THEMIS: variants seen among roughly 807,000 people sequenced by gnomAD.
THEMIS encodes the protein thymocyte selection associated, also known as protein THEMIS.
In THEMIS, 37 loss-of-function variants were observed where a neutral mutation model predicts 52.6. The ratio of observed to expected loss-of-function variants is 0.70; its 90% CI spans 0.54 to 0.93. The LOEUF (loss-of-function observed/expected upper bound fraction) is 0.93. THEMIS is among the 40% of genes least tolerant of loss of function. The pLI is 0.00. For missense variants in THEMIS, 808 were observed against 763.1 expected (o/e 1.06, Z -0.69); for synonymous variants, 292 against 272.7 (o/e 1.07, Z -0.70).
At chr6:127,783,691 A>G (rs1583272871) in intron 4 of THEMIS, among the ~76,000 whole-genome samples, 1 of 152,234 alleles carries the variant, frequency 6.6e-6, no homozygotes, top group African/African-American at 2.4e-5. Flanking sequence ...ATGACATACC[A>G]TCTCACACCA....
chr6:127,790,308 C>T (rs1777114146), intron 4 of THEMIS, among the ~76,000 whole-genome samples: 1 of 146,830 alleles, frequency 6.8e-6, no homozygotes, highest in Non-Finnish European at 1.5e-5. Flanking sequence ...TGGTATAAAC[C>T]TGTGTCTCTC....
intron 4 of THEMIS, among the ~76,000 whole-genome samples, chr6:127,798,236 A>T (rs1777396084): frequency 6.6e-6 from 1 of 152,230 alleles, no homozygotes; most frequent in Non-Finnish European, 1.5e-5. Flanking sequence ...TCTTAAAACC[A>T]CAAGTGTATA....
At chr6:127,697,812 C>T in the THEMIS span, among the ~76,000 whole-genome samples, 1 of 152,120 alleles carries the variant, frequency 6.6e-6, no homozygotes, top group African/African-American at 2.4e-5. Flanking sequence ...TCTAGAGCCC[C>T]TTTCCTGTAT....
intron 4 of THEMIS, among the ~76,000 whole-genome samples, chr6:127,727,283 A>G (rs923718756): frequency 6.6e-6 from 1 of 152,192 alleles, no homozygotes; most frequent in Non-Finnish European, 1.5e-5. Context: ...CTGTAAGTGT[A>G]ATCTGTAGCC....
intron 1 of THEMIS, among the ~76,000 whole-genome samples, chr6:127,911,128 A>G (rs1212608849): frequency 2.6e-5 from 4 of 151,384 alleles, no homozygotes; most frequent in African/African-American, 4.9e-5. Context: ...AACATAATCT[A>G]TCACTGATAA....
Position 127,915,185 on chromosome 6 carries a change from T to C in THEMIS, c.-150+3243A>G, listed in dbSNP as rs1390500223. ...GAAGGAGGTTTATCATACTTCCCCTTTGGAAAAAAAACAAAATTGAAAACA... is the reference window on the plus strand; with the variant it reads ...GAAGGAGGTTTATCATACTTCCCCTCTGGAAAAAAAACAAAATTGAAAACA... On this transcript the variant is annotated intron_variant, in intron 1 of 6. Coordinates refer to the THEMIS transcript ENST00000368250. Among the ~76,000 whole-genome samples the C allele has an allele frequency of 3.4e-5, 5 of 147,880 alleles. No homozygotes were observed. In the East Asian group the frequency reaches 6.9e-4, roughly 20 times the overall value.
intron 4 of THEMIS, among the ~76,000 whole-genome samples, chr6:127,777,739 ATTAT>A (rs1562250803): frequency 6.6e-6 from 1 of 152,160 alleles, no homozygotes; most frequent in Non-Finnish European, 1.5e-5. Context: ...TCAATTAATA[ATTAT>A]TTATATGATA....
intron 5 of THEMIS, among the ~76,000 whole-genome samples, chr6:127,719,030 G>A (rs753141189): frequency 1.3e-4 from 20 of 151,916 alleles, no homozygotes; most frequent in Non-Finnish European, 2.8e-4. Flanking sequence ...TTCAATTTTT[G>A]TATGAACTAA....
Position 127,726,075 on chromosome 6 carries a change from A to G in THEMIS, c.1759-6252T>C, listed in dbSNP as rs533637427. Among the ~76,000 whole-genome samples the G allele has an allele frequency of 8.1e-4, 123 of 152,236 alleles. 1 individual carries two copies. The highest frequency in any genetic ancestry group is 1.5e-3 in the Non-Finnish European group (102 of 68,020). ...CTGGCTTGGTCTGGGCTGGCAGTTG[A>G]TCAGGAACTTCACCAGCAGTCACAG... On this transcript the variant is annotated intron_variant, in intron 4 of 5. Transcript: ENST00000368248.
chr6:127,700,518 T>G, the THEMIS span, among the ~76,000 whole-genome samples: 1 of 152,170 alleles, frequency 6.6e-6, no homozygotes, highest in Non-Finnish European at 1.5e-5. Flanking sequence ...TGATATACAA[T>G]GTAGAAAACA....
intron 1 of THEMIS, among the ~76,000 whole-genome samples, chr6:127,856,800 A>G (rs557135740): frequency 1.3e-5 from 2 of 152,086 alleles, no homozygotes; most frequent in African/African-American, 4.8e-5. Context: ...TGTGGAACAA[A>G]TTGAGGTATT....
At chr6:127,765,941 A>T (rs758533643) in intron 4 of THEMIS, among the ~76,000 whole-genome samples, 1 of 152,126 alleles carries the variant, frequency 6.6e-6, no homozygotes, top group African/African-American at 2.4e-5. Context: ...GATCAATACA[A>T]CATTCCTTGG....
chr6:127,734,305 GA>G (rs1774911024), intron 4 of THEMIS, among the ~76,000 whole-genome samples: 2 of 152,126 alleles, frequency 1.3e-5, no homozygotes, highest in Non-Finnish European at 2.9e-5. Flanking sequence ...TTAGAGTAGG[GA>G]TTTGCTGAAG....
chr6:127,891,545 A>T (rs959286309), intron 1 of THEMIS, among the ~76,000 whole-genome samples: 24 of 150,056 alleles, frequency 1.6e-4, no homozygotes, highest in Non-Finnish European at 7.4e-5. Flanking sequence ...CAACAAAAAA[A>T]AAAAAAAAAA....
At chr6:127,916,042 T>G (rs186646922) in intron 1 of THEMIS, among the ~76,000 whole-genome samples, 1 of 152,070 alleles carries the variant, frequency 6.6e-6, no homozygotes, top group Non-Finnish European at 1.5e-5. Context: ...CCCCTAAAAC[T>G]AGGTGTCAGA....
chr6:127,907,314 T>C (rs1014166543), intron 1 of THEMIS, among the ~76,000 whole-genome samples: 20 of 137,098 alleles, frequency 1.5e-4, no homozygotes, highest in Admixed American at 1.3e-3. Flanking sequence ...AATCATACAA[T>C]ACCATTAGGG....
chr6:127,718,852 CTACA>C (rs1774262942), intron 5 of THEMIS, among the ~76,000 whole-genome samples: 1 of 151,492 alleles, frequency 6.6e-6, no homozygotes, highest in African/African-American at 2.4e-5. Flanking sequence ...AGTAAGCTAA[CTACA>C]TGAAAGAACC....
the THEMIS span, among the ~76,000 whole-genome samples, chr6:127,700,298 A>G: frequency 1.3e-5 from 2 of 151,902 alleles, no homozygotes; most frequent in African/African-American, 4.8e-5. Flanking sequence ...TTACTTAGAA[A>G]TAAGAACTCT....
chr6:127,847,889 A>AATTATTATT (rs71543127), intron 2 of THEMIS, among the ~76,000 whole-genome samples: 3,924 of 146,506 alleles, frequency 0.027, 162 homozygotes, highest in Admixed American at 0.11. Context: ...CTCAATTTCA[A>AATTATTATT]ATTATTATTA....
Sources: allele counts gnomAD v4.1 joint callset (sites outside exome capture counted in the v4.1 genomes callset), GRCh38; gene constraint gnomAD v4.1.1; transcripts MANE v1.5; gene names NCBI Gene and HGNC (gene_info 2026-07-23, HGNC 2026-07-21).